The following MEGF11 variants were observed in gnomAD, a reference collection of about 807,000 sequenced individuals.
MEGF11 encodes multiple EGF like domains 11, also known as multiple epidermal growth factor-like domains protein 11.
Under a neutral mutation model 146.6 loss-of-function variants are expected in MEGF11, and 126 were observed. The observed-to-expected ratio is 0.86, with a 90% CI of 0.74 to 1.00. MEGF11 has a LOEUF of 1.00. Among genes scored for constraint, MEGF11 ranks in the 50% least tolerant of loss-of-function variants. MEGF11 has a pLI of 0.00. For synonymous variants in MEGF11, 532 were observed against 583.4 expected, an observed-to-expected ratio of 0.91 and a Z score of 1.27; for missense variants, 1,509 against 1,521.2, an observed-to-expected ratio of 0.99 and a Z score of 0.13.
intron 1 of MEGF11, among the ~76,000 whole-genome samples, chr15:66,157,630 C>G (rs959150960): frequency 6.6e-6 from 1 of 152,228 alleles, no homozygotes; most frequent in South Asian, 2.1e-4. Flanking sequence ...TTGTTAGAAG[C>G]ATTTAAGCAG....
intron 1 of MEGF11, among the ~76,000 whole-genome samples, chr15:66,169,645 CA>C (rs2141108464): frequency 6.6e-6 from 1 of 152,344 alleles, no homozygotes; most frequent in South Asian, 2.1e-4. Flanking sequence ...TCAAAGATGC[CA>C]CGTCCTTGGT....
intron 1 of MEGF11, among the ~76,000 whole-genome samples, chr15:66,162,344 T>C (rs1014486380): frequency 2.6e-5 from 4 of 152,230 alleles, no homozygotes; most frequent in African/African-American, 9.6e-5. Context: ...TTATGTGATG[T>C]ATATTTTACC....
chr15:66,036,921 C>A (rs1034065750), intron 5 of MEGF11, among the ~76,000 whole-genome samples: 4 of 152,316 alleles, frequency 2.6e-5, no homozygotes, highest in South Asian at 2.1e-4. Flanking sequence ...TTCTTTCTTC[C>A]CTGCTTCCCT....
intron 1 of MEGF11, among the ~76,000 whole-genome samples, chr15:66,228,921 C>T (rs1034020078): frequency 4.6e-5 from 7 of 152,102 alleles, no homozygotes; most frequent in Admixed American, 6.5e-5. Context: ...CCACTCCTGT[C>T]ACAGGCAGTC....
At chr15:66,088,719 T>G (rs1370811652) in intron 5 of MEGF11, among the ~76,000 whole-genome samples, 1 of 151,710 alleles carries the variant, frequency 6.6e-6, no homozygotes, top group African/African-American at 2.4e-5. Flanking sequence ...GACATTATGC[T>G]AAGTGAAATC....
At chr15:65,980,934 A>T (rs747392800) in intron 6 of MEGF11, 36 bp from the exon 7 acceptor site, 1 of 1,519,900 alleles carries the variant, frequency 6.6e-7, no homozygotes, top group Non-Finnish European at 8.8e-7. Flanking sequence ...ACACAGCAGC[A>T]TTCAGATCAG....
At chr15:65,917,149 C>T (rs945591359) in intron 16 of MEGF11, among the ~76,000 whole-genome samples, 193 bp from the exon 17 acceptor site, 1 of 152,184 alleles carries the variant, frequency 6.6e-6, no homozygotes, top group Non-Finnish European at 1.5e-5. Flanking sequence ...CCCAGGATTC[C>T]CATTAAGCCC....
intron 1 of MEGF11, among the ~76,000 whole-genome samples, chr15:66,157,030 G>A (rs2089783288): frequency 6.6e-6 from 1 of 152,116 alleles, no homozygotes; most frequent in African/African-American, 2.4e-5. Flanking sequence ...GACTCAACCA[G>A]ACCACCACTC....
intron 1 of MEGF11, among the ~76,000 whole-genome samples, chr15:66,154,304 G>A (rs1417924038): frequency 6.6e-6 from 1 of 152,044 alleles, no homozygotes; most frequent in Non-Finnish European, 1.5e-5. Flanking sequence ...CCTCGCGCTC[G>A]CCCACACTCC....
At chr15:66,242,958 T>G (rs2092239951) in intron 1 of MEGF11, among the ~76,000 whole-genome samples, 1 of 152,208 alleles carries the variant, frequency 6.6e-6, no homozygotes, top group South Asian at 2.1e-4. Flanking sequence ...GCCACTTGTC[T>G]CTGGGTAAAT....
chr15:65,933,579 C>A (rs573429408), intron 10 of MEGF11, among the ~76,000 whole-genome samples: 19 of 152,230 alleles, frequency 1.2e-4, no homozygotes, highest in African/African-American at 4.6e-4. Context: ...CTGGTCTTTG[C>A]GACAGTCCTG....
intron 5 of MEGF11, among the ~76,000 whole-genome samples, chr15:66,069,774 T>C (rs1235001794): frequency 6.6e-6 from 1 of 152,226 alleles, no homozygotes; most frequent in African/African-American, 2.4e-5. Context: ...AAAGTAGAAA[T>C]TGGCAAAGTT....
intron 8 of MEGF11, 31 bp from the exon 9 acceptor site, chr15:65,965,151 TG>T (rs753897398): frequency 4.6e-6 from 7 of 1,520,044 alleles, no homozygotes; most frequent in African/African-American, 1.4e-5. Context: ...GCTGAGGCTG[TG>T]GGCCAGGATC....
At chr15:65,919,282 T>C (rs1182153423) in intron 15 of MEGF11, among the ~76,000 whole-genome samples, 1 of 152,204 alleles carries the variant, frequency 6.6e-6, no homozygotes, top group East Asian at 1.9e-4. Flanking sequence ...CTTTATGTAG[T>C]CAACAAACAT....
At chr15:65,951,329 G>T (rs933569607) in intron 10 of MEGF11, among the ~76,000 whole-genome samples, 1 of 152,322 alleles carries the variant, frequency 6.6e-6, no homozygotes, top group South Asian at 2.1e-4. Context: ...ACATATAGTA[G>T]TGCCCCCTTA....
rs142817464 is a variant in MEGF11 at position 65,914,264 on chromosome 15, C to T, written c.2474-291G>A. 1.5e-3 allele frequency: 746 copies of T among 511,024 alleles called. 6 individuals are homozygous for T. The highest frequency in any genetic ancestry group is 0.013 in the African/African-American group (696 of 53,132). 31.7% of individuals were successfully genotyped at this position (511,024 alleles called of 1,614,324 possible). On this transcript the variant is annotated intron_variant, in intron 19 of 25. Coordinates refer to ENST00000395614, the MANE Select transcript of MEGF11 (RefSeq NM_001385028.1). ...GTTAACAGATATTAATTCATTTACT[C>T]TTCAGCCCTGTGAAGGGATTAGTAT...
In MEGF11 at chr15:65,897,707, A is replaced by G. The variant is rs890289487; in HGVS notation, c.*227T>C. 12 of 399,250 alleles carry G rather than the reference A, an allele frequency of 3.0e-5. No homozygotes were observed. Among genetic ancestry groups the G allele is most frequent in the Middle Eastern group, 6.3e-4 (1 of 1,592 alleles). The allele number at this position is 399,250 out of a possible 1,614,324, so 24.7% of individuals were successfully genotyped here. On this transcript the variant is annotated 3_prime_UTR_variant, in exon 26 of 26. Transcript: ENST00000395614. ...CTTAAAATGTTTTAAAAATCATATA[A>G]TCCAGGGCATTTGGGGCTGAGTGGG...
At chr15:66,198,761 G>C (rs1485096628) in intron 1 of MEGF11, among the ~76,000 whole-genome samples, 3 of 152,050 alleles carry the variant, frequency 2.0e-5, no homozygotes, top group Admixed American at 2.0e-4. Context: ...CTGGATTACT[G>C]GTGTGAGCCA....
chr15:66,101,323 G>T (rs1052294287), intron 4 of MEGF11, among the ~76,000 whole-genome samples: 3 of 152,080 alleles, frequency 2.0e-5, no homozygotes, highest in Non-Finnish European at 4.4e-5. Context: ...TTGTGAATGA[G>T]CCCCTGCCCT....
Sources: gnomAD v4.1 joint callset for allele counts (sites outside exome capture counted in the v4.1 genomes callset) on GRCh38, gnomAD v4.1.1 for gene constraint, MANE v1.5 for transcripts, NCBI Gene and HGNC (gene_info 2026-07-23, HGNC 2026-07-21) for gene names.